The following HDGFL3 variants were observed in gnomAD, a reference collection of about 807,000 sequenced individuals.
HDGFL3 encodes hepatoma-derived growth factor-related protein 3.
Under a neutral mutation model 27.6 loss-of-function variants are expected in HDGFL3, and 6 were observed. That is an observed-to-expected ratio of 0.22 (90% confidence interval 0.12 to 0.43). HDGFL3 has a LOEUF of 0.43. Among genes scored for constraint, HDGFL3 ranks in the 20% least tolerant of loss-of-function variants. The pLI is 1.00. For synonymous variants in HDGFL3, 88 were observed against 88.9 expected (o/e 0.99, Z 0.05); for missense variants, 207 against 250.1 (o/e 0.83, Z 1.16).
At chr15:83,192,278 A>G in intron 1 of HDGFL3, 1 of 455,462 alleles carries the variant, frequency 2.2e-6, no homozygotes, top group South Asian at 1.6e-5. Context: ...AGATATGAAG[A>G]CAGTTTTGAC....
At chr15:83,194,820 T>A (rs1306100943) in intron 1 of HDGFL3, among the ~76,000 whole-genome samples, 2 of 152,196 alleles carry the variant, frequency 1.3e-5, no homozygotes, top group Non-Finnish European at 2.9e-5. Flanking sequence ...TAAAAGAGAT[T>A]AATGCATTTT....
intron 1 of HDGFL3, among the ~76,000 whole-genome samples, chr15:83,183,752 C>G (rs1418086991): frequency 1.4e-5 from 2 of 141,808 alleles, no homozygotes; most frequent in Non-Finnish European, 3.0e-5. Flanking sequence ...AGTGAGACTC[C>G]ATCTCAAAAA....
intron 1 of HDGFL3, among the ~76,000 whole-genome samples, chr15:83,202,985 G>C (rs1465901733): frequency 1.3e-5 from 2 of 152,024 alleles, no homozygotes; most frequent in Non-Finnish European, 2.9e-5. Context: ...CAGTATTTTG[G>C]TGAATATAAA....
downstream of HDGFL3, among the ~76,000 whole-genome samples, chr15:83,125,708 G>T (rs1375190876): frequency 6.6e-6 from 1 of 152,134 alleles, no homozygotes; most frequent in African/African-American, 2.4e-5. Context: ...AAGCCTGTTG[G>T]CGCGCGTAAC....
chr15:83,118,219 GTC>G (rs1201290530), intron 3 of HDGFL3, among the ~76,000 whole-genome samples: 3 of 150,696 alleles, frequency 2.0e-5, no homozygotes, highest in Non-Finnish European at 4.4e-5. Context: ...GTGAGACCCT[GTC>G]TCTGTACGTA....
At chr15:83,120,659 C>T (rs1169799311) in intron 3 of HDGFL3, among the ~76,000 whole-genome samples, 1 of 151,308 alleles carries the variant, frequency 6.6e-6, no homozygotes, top group Non-Finnish European at 1.5e-5. Flanking sequence ...CAATCTCCGC[C>T]TCCCAGGTTC....
intron 1 of HDGFL3, among the ~76,000 whole-genome samples, chr15:83,176,264 T>C (rs1567173262): frequency 6.6e-6 from 1 of 152,192 alleles, no homozygotes; most frequent in Non-Finnish European, 1.5e-5. Context: ...CTGGAAAGGG[T>C]ATTAACAAAT....
At chr15:83,173,083 C>T (rs2037266242) in intron 1 of HDGFL3, among the ~76,000 whole-genome samples, 1 of 152,160 alleles carries the variant, frequency 6.6e-6, no homozygotes, top group South Asian at 2.1e-4. Context: ...ACAAAACAGC[C>T]TAAAACAAAC....
intron 1 of HDGFL3, among the ~76,000 whole-genome samples, chr15:83,190,037 C>A (rs928993388): frequency 1.3e-5 from 2 of 152,000 alleles, no homozygotes; most frequent in Non-Finnish European, 2.9e-5. Context: ...GAGACCTCAT[C>A]TCTACAAAAC....
chr15:83,126,736 A>G (rs555357855), downstream of HDGFL3: 1 of 1,588,938 alleles, frequency 6.3e-7, no homozygotes, highest in African/African-American at 1.4e-5. Flanking sequence ...TTTTATAATG[A>G]GTTTATTTTT....
At chr15:83,176,867 T>C (rs1596559992) in intron 1 of HDGFL3, among the ~76,000 whole-genome samples, 1 of 137,688 alleles carries the variant, frequency 7.3e-6, no homozygotes, top group Admixed American at 7.2e-5. Context: ...AAAAAAAAAG[T>C]ACAAAATGTC....
chr15:83,157,751 A>T, intron 3 of HDGFL3, 152 bp downstream of exon 3: 1 of 941,258 alleles, frequency 1.1e-6, no homozygotes, highest in Non-Finnish European at 1.6e-6. Context: ...CCTTCTGATT[A>T]AGAATTACAT....
exon 4 of HDGFL3, chr15:83,115,542 A>G: frequency 2.0e-6 from 1 of 501,210 alleles, no homozygotes; most frequent in South Asian, 1.8e-5. Context: ...AGGGGAGTGG[A>G]GGATGGGTGG....
chr15:83,194,250 T>C (rs190786139), intron 1 of HDGFL3, among the ~76,000 whole-genome samples: 13 of 152,216 alleles, frequency 8.5e-5, no homozygotes, highest in South Asian at 2.1e-4. Flanking sequence ...GGAAGAAAAT[T>C]TGGACATACA....
rs1468213040 is a variant in HDGFL3 at position 83,138,155 on chromosome 15, A to G, written c.*1115T>C. The stretch of plus-strand genomic sequence containing the variant: ...AATTACACTAACTTAGTTTGCTTAC[A>G]ACCTCAAATCTTACTCCCAGTACAC... On this transcript the variant is annotated 3_prime_UTR_variant, in exon 6 of 6. Coordinates refer to ENST00000299633, the MANE Select transcript of HDGFL3 (RefSeq NM_016073.4). 6.6e-6 allele frequency: 1 copy of G among 152,638 alleles called. No homozygotes were observed. The highest frequency in any genetic ancestry group is 1.5e-5 in the Non-Finnish European group (1 of 68,028). 9.5% of individuals were successfully genotyped at this position (152,638 alleles called of 1,614,324 possible). A position where few individuals can be genotyped will look rare whatever the true frequency, so the allele number is the denominator to read the frequency against.
intron 1 of HDGFL3, among the ~76,000 whole-genome samples, chr15:83,193,682 C>T (rs1045210791): frequency 2.0e-5 from 3 of 152,226 alleles, no homozygotes; most frequent in African/African-American, 7.2e-5. Flanking sequence ...GCCAGCACAA[C>T]ATCTGGAAGT....
At chr15:83,164,140 G>C in intron 1 of HDGFL3, 65 bp from the exon 2 acceptor site, 3 of 900,822 alleles carry the variant, frequency 3.3e-6, no homozygotes, top group African/African-American at 3.5e-5. Context: ...GCATTGTTCT[G>C]ATAATTTACT....
chr15:83,200,179 T>TA (rs562906890), intron 1 of HDGFL3, among the ~76,000 whole-genome samples: 3 of 146,938 alleles, frequency 2.0e-5, no homozygotes, highest in Non-Finnish European at 4.5e-5. Context: ...CCATCTCTAC[T>TA]AAAAAAATAC....
At chr15:83,139,757 G>A (rs2036730639) in intron 5 of HDGFL3, among the ~76,000 whole-genome samples, 1 of 152,106 alleles carries the variant, frequency 6.6e-6, no homozygotes, top group African/African-American at 2.4e-5. Context: ...AAATGTAGAA[G>A]TTAATCATGA....
Sources: allele counts gnomAD v4.1 joint callset (sites outside exome capture counted in the v4.1 genomes callset), GRCh38; gene constraint gnomAD v4.1.1; transcripts MANE v1.5; gene names NCBI Gene and HGNC (gene_info 2026-07-23, HGNC 2026-07-21).